The following MYO9A variants were observed in gnomAD, a reference collection of about 807,000 sequenced individuals.
MYO9A encodes myosin IXA, also known as unconventional myosin-IXa.
In MYO9A, 103 loss-of-function variants were observed where a neutral mutation model predicts 293.3. That is an observed-to-expected ratio of 0.35 (90% CI 0.30 to 0.41). MYO9A has a LOEUF of 0.41. Among genes scored for constraint, MYO9A ranks in the 10% least tolerant of loss-of-function variants. MYO9A has a pLI of 1.00. For synonymous variants in MYO9A, 1,001 were observed against 1,035.7 expected (o/e 0.97, Z 0.64); for missense variants, 2,685 against 3,033.0 (o/e 0.89, Z 2.69).
At chr15:72,008,972 T>C (rs1344157088) in intron 7 of MYO9A, among the ~76,000 whole-genome samples, 1 of 152,220 alleles carries the variant, frequency 6.6e-6, no homozygotes, top group Non-Finnish European at 1.5e-5. Flanking sequence ...TTAGGAACAT[T>C]TGAGAGGTAC....
intron 1 of MYO9A, among the ~76,000 whole-genome samples, chr15:72,102,706 G>A (rs1173726839): frequency 1.3e-5 from 2 of 151,820 alleles, no homozygotes; most frequent in African/African-American, 2.4e-5. Context: ...TCCTTGATTC[G>A]ATAAAAGGTA....
Position 71,959,936 on chromosome 15 carries a change from C to G in MYO9A, c.2147G>C (p.Arg716Thr). The G allele has an allele frequency of 1.2e-6, 2 of 1,613,760 alleles. No individual in the cohort carries two copies. The highest frequency in any genetic ancestry group is 1.7e-6 in the Non-Finnish European group (2 of 1,179,886). ...GTGAATGTTTCTTTTCCCAGCTTCC[C>G]TGAAAGCAACCATGGCTCTGAAAAA... ...RAFFRAMVAF[R>T]EAGKRNIHRK... The change falls in exon 14 of 42, where the codon AGG becomes ACG. Residue 716 changes from arginine (R) to threonine (T), a missense_variant. Around this residue, in one of 10 missense-constraint regions of MYO9A, gnomAD observed 201 missense variants for 245.2 expected, o/e 0.82. Transcript: ENST00000356056.
intron 1 of MYO9A, among the ~76,000 whole-genome samples, chr15:72,081,525 T>C (rs1025677587): frequency 5.3e-5 from 8 of 152,216 alleles, no homozygotes; most frequent in African/African-American, 1.9e-4. Context: ...ATAGTTTCTT[T>C]TGCTGTGCAG....
intron 5 of MYO9A, 130 bp from the exon 6 acceptor site, chr15:72,019,225 A>G (rs1193240192): frequency 1.4e-6 from 1 of 730,142 alleles, no homozygotes; most frequent in Non-Finnish European, 2.4e-6. Flanking sequence ...AGCATAAAAC[A>G]AGAAATAATG....
chr15:72,103,543 A>AGAAGCAGCG (rs1292305602), intron 1 of MYO9A, among the ~76,000 whole-genome samples: 1 of 150,464 alleles, frequency 6.6e-6, no homozygotes, highest in Non-Finnish European at 1.5e-5. Context: ...CAGAAGCAGC[A>AGAAGCAGCG]GAAGCAGTGG....
chr15:71,883,366 T>C (rs1212725903), intron 28 of MYO9A, among the ~76,000 whole-genome samples: 1 of 152,236 alleles, frequency 6.6e-6, no homozygotes, highest in African/African-American at 2.4e-5. Context: ...CAGTCATTTT[T>C]GAGGTGGTTG....
chr15:72,081,641 G>T (rs1325508210), intron 1 of MYO9A, among the ~76,000 whole-genome samples: 1 of 152,160 alleles, frequency 6.6e-6, no homozygotes, highest in Non-Finnish European at 1.5e-5. Flanking sequence ...GAATGGTAGT[G>T]CCTAGGTTGT....
At chr15:71,968,436 A>C (rs2147289787) in intron 12 of MYO9A, among the ~76,000 whole-genome samples, 1 of 152,332 alleles carries the variant, frequency 6.6e-6, no homozygotes, top group East Asian at 1.9e-4. Flanking sequence ...GAACTACTAT[A>C]AAACCCAAAG....
At chr15:72,032,372 C>A in intron 3 of MYO9A, 122 bp downstream of exon 3, 2 of 591,598 alleles carry the variant, frequency 3.4e-6, no homozygotes. Flanking sequence ...AAAAAGTTGA[C>A]AGGGAAGAAT....
At position 71,826,564 on chromosome 15, in the gene MYO9A, A is replaced by G; in HGVS notation, c.*16T>C. On this transcript the variant is annotated 3_prime_UTR_variant, in exon 42 of 42. Transcript: ENST00000356056. ...TTTACCACTCTGTAGCCACGGAGGG[A>G]CACACATCTGCCGGTTCAGACCATA... is the stretch of plus-strand genomic sequence containing the variant. The G allele has an allele frequency of 5.8e-6, 9 of 1,561,612 alleles. No homozygotes were observed. The highest frequency in any genetic ancestry group is 7.8e-6 in the Non-Finnish European group (9 of 1,159,342).
At chr15:71,922,652 T>C (rs1011454717) in intron 18 of MYO9A, among the ~76,000 whole-genome samples, 1 of 152,208 alleles carries the variant, frequency 6.6e-6, no homozygotes, top group Non-Finnish European at 1.5e-5. Context: ...TATTATATAC[T>C]GCTATGAGTT....
At chr15:71,840,773 G>A (rs956972417) in intron 39 of MYO9A, among the ~76,000 whole-genome samples, 6 of 152,108 alleles carry the variant, frequency 3.9e-5, no homozygotes, top group African/African-American at 1.4e-4. Flanking sequence ...GGGACTACAG[G>A]CGCCTGCCAC....
chr15:71,983,992 G>A (rs1384992580), intron 11 of MYO9A, among the ~76,000 whole-genome samples: 1 of 152,180 alleles, frequency 6.6e-6, no homozygotes, highest in African/African-American at 2.4e-5. Flanking sequence ...TCCACTGAAA[G>A]GCTGACTGCC....
At chr15:71,920,061 T>A (rs747673974) in intron 18 of MYO9A, among the ~76,000 whole-genome samples, 2 of 152,062 alleles carry the variant, frequency 1.3e-5, no homozygotes, top group African/African-American at 4.8e-5. Context: ...CAATCATGCA[T>A]AAGGTTTATG....
chr15:71,924,844 C>T (rs188142649), intron 18 of MYO9A, among the ~76,000 whole-genome samples: 5 of 151,386 alleles, frequency 3.3e-5, no homozygotes, highest in Admixed American at 1.3e-4. Context: ...CGCTTGAACT[C>T]GGGAGGTGGA....
chr15:71,949,429 T>TG (rs1264496624), intron 15 of MYO9A, among the ~76,000 whole-genome samples: 8 of 151,656 alleles, frequency 5.3e-5, no homozygotes, highest in Non-Finnish European at 1.0e-4. Flanking sequence ...TTGTTTTTTT[T>TG]TTTTTTAACC....
At chr15:71,969,822 A>C (rs1004904621) in intron 12 of MYO9A, among the ~76,000 whole-genome samples, 1 of 152,174 alleles carries the variant, frequency 6.6e-6, no homozygotes, top group Non-Finnish European at 1.5e-5. Flanking sequence ...AAAAAAAAAA[A>C]TTTGGAACAC....
chr15:71,929,547 A>G (rs187598258), intron 18 of MYO9A, among the ~76,000 whole-genome samples: 1 of 152,330 alleles, frequency 6.6e-6, no homozygotes, highest in African/African-American at 2.4e-5. Flanking sequence ...AAATGACAGT[A>G]TGGTTTTTGC....
intron 30 of MYO9A, among the ~76,000 whole-genome samples, chr15:71,879,492 G>C (rs1011833059): frequency 3.3e-5 from 5 of 152,140 alleles, no homozygotes; most frequent in African/African-American, 9.7e-5. Context: ...GCTGTAAGGT[G>C]GGAAAAAGCT....
Sources: allele counts gnomAD v4.1 joint callset (sites outside exome capture counted in the v4.1 genomes callset), GRCh38; gene constraint gnomAD v4.1.1; regional missense constraint gnomAD v4.1.1; transcripts MANE v1.5; gene names NCBI Gene and HGNC (gene_info 2026-07-23, HGNC 2026-07-21).